Variants in PLGRKT observed in about 807,000 individuals in gnomAD.
PLGRKT encodes plasminogen receptor with a C-terminal lysine.
A neutral mutation model predicts 18.5 loss-of-function variants in PLGRKT; 22 were observed. The ratio of observed to expected loss-of-function variants is 1.19; its 90% CI spans 0.85 to 1.70. PLGRKT has a LOEUF of 1.70. Among genes scored for constraint, PLGRKT ranks in the 40% most tolerant of loss-of-function variants. PLGRKT has a pLI of 0.00. For missense variants in PLGRKT, 235 were observed against 174.4 expected, an observed-to-expected ratio of 1.35 and a Z score of -1.96; for synonymous variants, 72 against 52.8, an observed-to-expected ratio of 1.36 and a Z score of -1.58.
At chr9:5,414,592 T>C (rs1818424119) in intron 3 of PLGRKT, among the ~76,000 whole-genome samples, 1 of 152,218 alleles carries the variant, frequency 6.6e-6, no homozygotes, top group Admixed American at 6.5e-5. Context: ...TCCAACTGCA[T>C]TACAAGTCAA....
intron 1 of PLGRKT, among the ~76,000 whole-genome samples, chr9:5,436,929 T>C (rs920672457): frequency 6.6e-6 from 1 of 152,214 alleles, no homozygotes; most frequent in African/African-American, 2.4e-5. Flanking sequence ...CACTCACTTG[T>C]ATAAGTTAAG....
chr9:5,403,037 T>C (rs1470597064), intron 3 of PLGRKT, among the ~76,000 whole-genome samples: 1 of 151,760 alleles, frequency 6.6e-6, no homozygotes, highest in Non-Finnish European at 1.5e-5. Flanking sequence ...TAATAGGTAG[T>C]GGAAGGCTGG....
In PLGRKT at chr9:5,424,338, A is replaced by G. The variant is rs1271273545; in HGVS notation, c.81+7559T>C. Among the ~76,000 whole-genome samples the G allele has an allele frequency of 2.2e-5, 3 of 134,980 alleles. No homozygotes were observed. In the East Asian group the frequency reaches 5.9e-4, roughly 27 times the overall value. 88.6% of individuals were successfully genotyped at this position (134,980 alleles called of 152,430 possible). A position where few individuals can be genotyped will look rare whatever the true frequency, so the allele number is the denominator to read the frequency against. The stretch of plus-strand genomic sequence containing the variant: ...GTGTACCTATAGTATTATATATAAT[A>G]TATTATCATTAATAACATATAATAC... On this transcript the variant is annotated intron_variant, in intron 3 of 5. Coordinates refer to ENST00000223864, the MANE Select transcript of PLGRKT (RefSeq NM_018465.4).
Position 5,360,996 on chromosome 9 carries a change from T to C in PLGRKT, c.322+82A>G, listed in dbSNP as rs1817250501. ...AGAGAGAGTCTTGTCAGAATCTTTA[T>C]AAGTCAAAGGTTCCTAAGGCAGGGA... On this transcript the variant is annotated intron_variant, in intron 5 of 5. Transcript: ENST00000223864. 16 of 758,674 alleles carry C rather than the reference T, an allele frequency of 2.1e-5. No homozygotes were observed. In the South Asian group the frequency reaches 2.4e-4, roughly 11 times the overall value. 47.0% of individuals were successfully genotyped at this position (758,674 alleles called of 1,614,324 possible).
chr9:5,403,711 T>C (rs1361477169), intron 3 of PLGRKT, among the ~76,000 whole-genome samples: 1 of 152,246 alleles, frequency 6.6e-6, no homozygotes, highest in Non-Finnish European at 1.5e-5. Context: ...GCAAATATTT[T>C]AGTGATGAGT....
At chr9:5,419,671 C>T (rs564623872) in intron 3 of PLGRKT, among the ~76,000 whole-genome samples, 2 of 151,346 alleles carry the variant, frequency 1.3e-5, no homozygotes, top group African/African-American at 4.8e-5. Context: ...AGATATATTT[C>T]AAAACTACCA....
chr9:5,364,907 C>G (rs1172650756), intron 3 of PLGRKT, among the ~76,000 whole-genome samples: 2 of 152,152 alleles, frequency 1.3e-5, no homozygotes, highest in Admixed American at 6.5e-5. Context: ...TCCGTATGAA[C>G]TCATGCTTAG....
rs761040390 is a variant in PLGRKT at position 5,358,368 on chromosome 9, A to G, written c.323-8T>C. The G allele has an allele frequency of 6.2e-7, 1 of 1,612,348 alleles. No homozygotes were observed. The highest frequency in any genetic ancestry group is 8.5e-7 in the Non-Finnish European group (1 of 1,179,060). On this transcript the variant is annotated splice_region_variant and splice_polypyrimidine_tract_variant and intron_variant, in intron 5 of 5. Transcript: ENST00000223864. ...GTATGTCCTCAGCTTCACCTTAAATAAAGTACAGAAATACACAAGGTGACA... is the reference window on the plus strand; with the variant it reads ...GTATGTCCTCAGCTTCACCTTAAATGAAGTACAGAAATACACAAGGTGACA...
intron 3 of PLGRKT, among the ~76,000 whole-genome samples, chr9:5,367,064 CACA>C (rs1563766832): frequency 2.7e-5 from 4 of 149,758 alleles, no homozygotes; most frequent in East Asian, 1.9e-4. Context: ...CACACACACA[CACA>C]CCCCTAGGAA....
intron 3 of PLGRKT, among the ~76,000 whole-genome samples, chr9:5,430,323 G>C (rs1443074719): frequency 1.3e-5 from 2 of 152,182 alleles, no homozygotes; most frequent in African/African-American, 2.4e-5. Context: ...CTTTGACAAG[G>C]ACGTGCTAAG....
chr9:5,396,459 TA>T (rs1818050684), intron 3 of PLGRKT, among the ~76,000 whole-genome samples: 1 of 151,090 alleles, frequency 6.6e-6, no homozygotes, highest in Non-Finnish European at 1.5e-5. Context: ...CTAATTTTTG[TA>T]TTTTTAGTAT....
Position 5,391,539 on chromosome 9 carries a change from A to C in PLGRKT, c.82-29651T>G, listed in dbSNP as rs559244013. 1.2e-4 allele frequency among the ~76,000 whole-genome samples: 18 copies of C among 152,098 alleles called. 1 individual carries two copies. The highest frequency in any genetic ancestry group is 2.6e-4 in the Admixed American group (4 of 15,288). On this transcript the variant is annotated intron_variant, in intron 3 of 5. Transcript: ENST00000223864. ...GCCACATCTTTGGCCTTTGGTCAGA[A>C]GCAGTGATAAACTGGTGTAGACCGA...
At chr9:5,383,444 C>A (rs1163600999) in intron 3 of PLGRKT, among the ~76,000 whole-genome samples, 4 of 152,154 alleles carry the variant, frequency 2.6e-5, no homozygotes, top group African/African-American at 9.7e-5. Context: ...AACAATTTTT[C>A]CATGGACCAG....
At chr9:5,399,577 A>C (rs1434368684) in intron 3 of PLGRKT, among the ~76,000 whole-genome samples, 1 of 151,948 alleles carries the variant, frequency 6.6e-6, no homozygotes, top group Non-Finnish European at 1.5e-5. Context: ...TTAGAAATGA[A>C]TTAATTTTCA....
chr9:5,371,525 A>T (rs1032691592), intron 3 of PLGRKT, among the ~76,000 whole-genome samples: 4 of 152,188 alleles, frequency 2.6e-5, no homozygotes, highest in Non-Finnish European at 5.9e-5. Flanking sequence ...CACCGCCAGG[A>T]AAGAAGTGCC....
chr9:5,403,531 C>T (rs1563781220), intron 3 of PLGRKT, among the ~76,000 whole-genome samples: 1 of 152,162 alleles, frequency 6.6e-6, no homozygotes, highest in Non-Finnish European at 1.5e-5. Context: ...AGCCATGATT[C>T]TCATTCTTAA....
chr9:5,365,532 C>T (rs964889404), intron 3 of PLGRKT, among the ~76,000 whole-genome samples: 1 of 152,046 alleles, frequency 6.6e-6, no homozygotes, highest in African/African-American at 2.4e-5. Flanking sequence ...TACTTGCTCC[C>T]AATGAAAACA....
intron 3 of PLGRKT, among the ~76,000 whole-genome samples, chr9:5,379,282 T>C (rs998351704): frequency 1.3e-5 from 2 of 152,220 alleles, no homozygotes; most frequent in Admixed American, 6.5e-5. Context: ...TACAAGCTCA[T>C]TGTAAGATTT....
chr9:5,436,982 AT>A (rs1362209783), intron 1 of PLGRKT, among the ~76,000 whole-genome samples: 2 of 152,258 alleles, frequency 1.3e-5, no homozygotes, highest in Non-Finnish European at 1.5e-5. Context: ...GTAAAAAAAA[AT>A]GTCTTGCTAC....
Sources: allele counts gnomAD v4.1 joint callset (sites outside exome capture counted in the v4.1 genomes callset), GRCh38; gene constraint gnomAD v4.1.1; transcripts MANE v1.5; gene names NCBI Gene and HGNC (gene_info 2026-07-23, HGNC 2026-07-21).